Variants in WBP2NL observed in about 807,000 individuals in gnomAD.
The protein encoded by WBP2NL is postacrosomal sheath WW domain-binding protein.
Under a neutral mutation model 23.3 loss-of-function variants are expected in WBP2NL, and 27 were observed. That is an observed-to-expected ratio of 1.16 (90% confidence interval 0.85 to 1.60). The LOEUF (loss-of-function observed/expected upper bound fraction) is 1.60, where lower values mean the gene tolerates loss of function less well. WBP2NL is among the 40% of genes most tolerant of loss of function. WBP2NL has a pLI of 0.00. For synonymous variants in WBP2NL, 151 were observed against 145.9 expected (o/e 1.03, Z -0.25); for missense variants, 370 against 389.5 (o/e 0.95, Z 0.42).
intron 2 of WBP2NL, 45 bp downstream of exon 2, chr22:42,019,464 G>T: frequency 6.3e-7 from 1 of 1,586,022 alleles, no homozygotes; most frequent in Non-Finnish European, 8.6e-7. Context: ...CTCTACATTT[G>T]TTTTCCTTGA....
intron 1 of WBP2NL, among the ~76,000 whole-genome samples, chr22:42,010,090 T>C (rs2146768105): frequency 6.6e-6 from 1 of 152,362 alleles, no homozygotes; most frequent in Admixed American, 6.5e-5. Flanking sequence ...ATTTCCTTAA[T>C]CTCCTTTTTG....
At chr22:42,039,355 C>CT (rs57767168) in intron 8 of WBP2NL, among the ~76,000 whole-genome samples, 1,953 of 141,084 alleles carry the variant, frequency 0.014, 47 homozygotes, top group African/African-American at 0.039. Flanking sequence ...GGATTACAGG[C>CT]TTTTTTTTTT....
At chr22:42,001,081 C>T (rs764934591) in intron 1 of WBP2NL, 10 of 981,674 alleles carry the variant, frequency 1.0e-5, no homozygotes, top group African/African-American at 1.6e-5. Context: ...ACATGTACTT[C>T]TTGGTTTCAT....
downstream of WBP2NL, among the ~76,000 whole-genome samples, chr22:42,029,294 GAAAAA>G (rs953340569): frequency 8.5e-5 from 7 of 81,994 alleles, no homozygotes; most frequent in Non-Finnish European, 1.2e-4. Context: ...CTGTGTCTAG[GAAAAA>G]AAAAAAAAAA....
At chr22:42,042,041 G>C (rs1216182724) in intron 8 of WBP2NL, among the ~76,000 whole-genome samples, 1 of 152,204 alleles carries the variant, frequency 6.6e-6, no homozygotes, top group Non-Finnish European at 1.5e-5. Flanking sequence ...GAAATCTGCT[G>C]ATAGTCTCAT....
At chr22:42,047,974 A>G (rs759539474) in intron 8 of WBP2NL, among the ~76,000 whole-genome samples, 13 of 152,164 alleles carry the variant, frequency 8.5e-5, no homozygotes, top group Non-Finnish European at 1.8e-4. Flanking sequence ...AGTATCTCTC[A>G]TAAACATAGA....
chr22:42,043,583 G>T (rs1054517822), intron 8 of WBP2NL, among the ~76,000 whole-genome samples: 1 of 152,206 alleles, frequency 6.6e-6, no homozygotes, highest in Non-Finnish European at 1.5e-5. Flanking sequence ...TTAAGGGCCA[G>T]TTGTAGGCAT....
At chr22:42,016,355 T>A (rs1204303338) in intron 1 of WBP2NL, among the ~76,000 whole-genome samples, 1 of 152,142 alleles carries the variant, frequency 6.6e-6, no homozygotes, top group Non-Finnish European at 1.5e-5. Flanking sequence ...ACATGCCCTT[T>A]GAGCCGGTCC....
intron 5 of WBP2NL, 60 bp downstream of exon 5, chr22:42,022,416 A>C (rs915786336): frequency 1.4e-6 from 2 of 1,444,916 alleles, no homozygotes; most frequent in African/African-American, 2.8e-5. Flanking sequence ...AGGCTCAAAG[A>C]TCTATCCCTT....
chr22:42,006,841 A>AT (rs1450138760), intron 1 of WBP2NL, among the ~76,000 whole-genome samples: 2 of 152,096 alleles, frequency 1.3e-5, no homozygotes, highest in Non-Finnish European at 2.9e-5. Context: ...TTTTGTAGAG[A>AT]TTTTTTCTGA....
chr22:42,050,421 G>A (rs1039965839), intron 8 of WBP2NL, among the ~76,000 whole-genome samples: 6 of 152,052 alleles, frequency 3.9e-5, no homozygotes, highest in African/African-American at 1.4e-4. Flanking sequence ...CGAGGCAGGC[G>A]GATCACCTGA....
At chr22:42,044,362 C>T (rs73418987) in intron 8 of WBP2NL, among the ~76,000 whole-genome samples, 7,767 of 152,170 alleles carry the variant, frequency 0.051, 685 homozygotes, top group African/African-American at 0.18. Context: ...TGTGCCACCG[C>T]GACCAGCTGG....
At chr22:42,023,804 C>CT (rs568447219) in intron 5 of WBP2NL, among the ~76,000 whole-genome samples, 11 of 151,234 alleles carry the variant, frequency 7.3e-5, no homozygotes, top group East Asian at 1.9e-4. Flanking sequence ...CCCTGCCAGC[C>CT]TTTTTTTTTA....
chr22:42,031,062 C>T (rs1010836707), downstream of WBP2NL: 2 of 152,204 alleles, frequency 1.3e-5, no homozygotes, highest in South Asian at 2.1e-4. Flanking sequence ...TTCTCCTGTG[C>T]AAAGGGTACC....
chr22:42,048,845 A>G (rs1925704620), intron 8 of WBP2NL, among the ~76,000 whole-genome samples: 1 of 152,108 alleles, frequency 6.6e-6, no homozygotes, highest in African/African-American at 2.4e-5. Flanking sequence ...AACATTGTCC[A>G]AAAACTAAAA....
In WBP2NL at chr22:42,027,076, C is replaced by G; in HGVS notation, c.825C>G (p.Ala275=). Reference sequence around the variant, plus strand: ...AAGGCCCGCCTGCGGGATACAGAGCCTCACCTGCTGGATCAGGAGCCAGGC... The same window carrying G: ...AAGGCCCGCCTGCGGGATACAGAGCGTCACCTGCTGGATCAGGAGCCAGGC... ...GNEGPPAGYR[A]SPAGSGARPQ... is the part of the protein sequence containing the mutation. Residue 275 remains alanine (A), a synonymous_variant, in exon 6 of 6, where the codon GCC becomes GCG. Transcript: ENST00000328823. 2 of 1,614,164 alleles carry G rather than the reference C, an allele frequency of 1.2e-6. No individual in the cohort carries two copies. The highest frequency in any genetic ancestry group is 1.7e-6 in the Non-Finnish European group (2 of 1,179,946).
At chr22:42,000,539 C>G (rs1037073599) in intron 1 of WBP2NL, among the ~76,000 whole-genome samples, 2 of 152,078 alleles carry the variant, frequency 1.3e-5, no homozygotes, top group East Asian at 1.9e-4. Context: ...ATAGAAATGG[C>G]TTTAAGAGAA....
intron 1 of WBP2NL, among the ~76,000 whole-genome samples, chr22:42,010,700 G>A (rs1349366892): frequency 2.6e-5 from 4 of 151,684 alleles, no homozygotes; most frequent in Non-Finnish European, 4.4e-5. Flanking sequence ...CACCACACCC[G>A]GCTAATTTTT....
chr22:42,008,952 CT>C (rs1174294179), intron 1 of WBP2NL, among the ~76,000 whole-genome samples: 2 of 151,920 alleles, frequency 1.3e-5, no homozygotes, highest in Admixed American at 6.6e-5. Context: ...CTAATTTTTT[CT>C]ATTTTTTAGT....
Sources: allele counts gnomAD v4.1 joint callset (sites outside exome capture counted in the v4.1 genomes callset), GRCh38; gene constraint gnomAD v4.1.1; transcripts MANE v1.5; gene names NCBI Gene and HGNC (gene_info 2026-07-23, HGNC 2026-07-21).